Variants in GRAMD1C observed in about 807,000 individuals in gnomAD.
GRAMD1C encodes protein Aster-C.
In GRAMD1C, 89 loss-of-function variants were observed where a neutral mutation model predicts 97.8. That is an observed-to-expected ratio of 0.91 (90% CI 0.77 to 1.09). The LOEUF (loss-of-function observed/expected upper bound fraction) is 1.09, where lower values mean the gene tolerates loss of function less well. Among genes scored for constraint, GRAMD1C ranks in the 50% least tolerant of loss-of-function variants. The pLI, the probability that GRAMD1C is intolerant of heterozygous loss-of-function variation, is 0.00. For missense variants in GRAMD1C, 740 were observed against 766.4 expected, an observed-to-expected ratio of 0.97 and a Z score of 0.41; for synonymous variants, 256 against 267.0, an observed-to-expected ratio of 0.96 and a Z score of 0.40.
Position 113,940,008 on chromosome 3 carries a change from TC to T in GRAMD1C, c.1802+17del. On this transcript the variant is annotated intron_variant, in intron 16 of 17. Coordinates refer to ENST00000358160, the MANE Select transcript of GRAMD1C (RefSeq NM_017577.5). Reference sequence around the variant, plus strand: ...GAGAAATCTTTAAAGTAAGTCTTTTTCCCCCTGACCTGTATTCACCATATTA... The same window carrying T: ...GAGAAATCTTTAAAGTAAGTCTTTTTCCCCTGACCTGTATTCACCATATTA... The T allele has an allele frequency of 7.4e-7, 1 of 1,355,074 alleles. No homozygotes were observed. Among genetic ancestry groups the T allele is most frequent in the Non-Finnish European group, 1.1e-6 (1 of 943,570 alleles). 83.9% of individuals were successfully genotyped at this position (1,355,074 alleles called of 1,614,324 possible). A position where few individuals can be genotyped will look rare whatever the true frequency, so the allele number is the denominator to read the frequency against.
upstream of GRAMD1C, chr3:113,838,537 CTCCA>C (rs1447653287): frequency 2.0e-5 from 4 of 196,540 alleles, no homozygotes; most frequent in Non-Finnish European, 4.1e-5. Flanking sequence ...GGCCTTGGCA[CTCCA>C]TCCAGCCTGA....
chr3:113,859,499 T>TA (rs1934283337), intron 2 of GRAMD1C, among the ~76,000 whole-genome samples: 1 of 152,218 alleles, frequency 6.6e-6, no homozygotes, highest in African/African-American at 2.4e-5. Context: ...GCTGAGTATA[T>TA]AGTCTATTTT....
At chr3:113,910,249 G>A (rs1177307584) in intron 9 of GRAMD1C, among the ~76,000 whole-genome samples, 1 of 152,098 alleles carries the variant, frequency 6.6e-6, no homozygotes, top group Non-Finnish European at 1.5e-5. Context: ...CGGGTGTGGC[G>A]GTGTGTGCCT....
At chr3:113,836,066 C>T (rs1709626301), upstream of GRAMD1C, among the ~76,000 whole-genome samples, 2 of 151,754 alleles carry the variant, frequency 1.3e-5, no homozygotes, top group African/African-American at 4.8e-5. Flanking sequence ...GAATTTGAGA[C>T]CAGCCTGGCC....
rs1468344459 is a variant in GRAMD1C, at chr3:113,946,697, TCTTA to T, written c.*1222_*1225del. On this transcript the variant is annotated 3_prime_UTR_variant, in exon 18 of 18. Coordinates refer to ENST00000358160, the MANE Select transcript of GRAMD1C (RefSeq NM_017577.5). ...ATCTATATATAAACTGTGTATACATTCTTACTGTTTGAACAACTATTGCCTTTAA... is the reference window on the plus strand; with the variant it reads ...ATCTATATATAAACTGTGTATACATTCTGTTTGAACAACTATTGCCTTTAA... 1 of 152,232 alleles carries T rather than the reference TCTTA, an allele frequency of 6.6e-6. No individual in the cohort carries two copies. The highest frequency in any genetic ancestry group is 2.4e-5 in the African/African-American group (1 of 41,466). 9.4% of individuals were successfully genotyped at this position (152,232 alleles called of 1,614,324 possible).
chr3:113,915,618 G>C (rs898630511), intron 9 of GRAMD1C, 83 bp from the exon 10 acceptor site: 9 of 1,078,890 alleles, frequency 8.3e-6, no homozygotes, highest in Non-Finnish European at 1.2e-5. Flanking sequence ...AATAAAAAAA[G>C]AAAACCCCAC....
chr3:113,886,777 G>GTTTTTTTTTTTTTTTTTTTTTTTT (rs34683672), intron 6 of GRAMD1C, among the ~76,000 whole-genome samples: 1 of 80,042 alleles, frequency 1.2e-5, no homozygotes. Flanking sequence ...TTGTTTGCTT[G>GTTTTTTTTTTTTTTTTTTTTTTTT]TTTTTTTTTT....
intron 4 of GRAMD1C, 144 bp downstream of exon 4, chr3:113,875,731 G>T (rs62265405): frequency 3.5e-6 from 1 of 286,276 alleles, no homozygotes; most frequent in Non-Finnish European, 5.8e-6. Flanking sequence ...AAATACAAAC[G>T]TGTTGTATAT....
intron 2 of GRAMD1C, among the ~76,000 whole-genome samples, chr3:113,849,953 C>T (rs1180500811): frequency 4.2e-3 from 525 of 125,338 alleles, no homozygotes; most frequent in Non-Finnish European, 5.6e-3. Context: ...CCGGACGGGG[C>T]GGCTGACCGG....
intron 11 of GRAMD1C, among the ~76,000 whole-genome samples, chr3:113,932,851 G>A (rs957557795): frequency 2.0e-5 from 3 of 150,902 alleles, no homozygotes; most frequent in Admixed American, 6.6e-5. Flanking sequence ...GACTACAGGC[G>A]TGTGCCACCA....
At chr3:113,830,117 A>C (rs1008946015) in intron 1 of GRAMD1C, among the ~76,000 whole-genome samples, 1 of 152,128 alleles carries the variant, frequency 6.6e-6, no homozygotes, top group African/African-American at 2.4e-5. Flanking sequence ...CAGGTGTGTC[A>C]TTTGCATAGC....
chr3:113,907,801 T>C (rs981532300), intron 8 of GRAMD1C, among the ~76,000 whole-genome samples: 31 of 152,214 alleles, frequency 2.0e-4, no homozygotes, highest in African/African-American at 7.2e-4. Context: ...CTGTATTCTT[T>C]ATAGTAGGAA....
intron 7 of GRAMD1C, among the ~76,000 whole-genome samples, chr3:113,902,214 A>G (rs114262425): frequency 0.028 from 4,315 of 152,302 alleles, 220 homozygotes; most frequent in African/African-American, 0.098. Context: ...TTACTCATCT[A>G]GGTAATCTAC....
chr3:113,838,705 A>T (rs1709682280), upstream of GRAMD1C: 1 of 373,648 alleles, frequency 2.7e-6, no homozygotes, highest in Non-Finnish European at 4.7e-6. Context: ...CTAGAAAGAC[A>T]AGCCTTCAGG....
At chr3:113,915,622 A>ACC in intron 9 of GRAMD1C, 79 bp from the exon 10 acceptor site, 1 of 1,103,738 alleles carries the variant, frequency 9.1e-7, no homozygotes, top group South Asian at 1.5e-5. Context: ...AAAAAAGAAA[A>ACC]CCCCACGAAA....
chr3:113,901,883 T>G (rs1365223968), intron 7 of GRAMD1C, among the ~76,000 whole-genome samples: 1 of 152,218 alleles, frequency 6.6e-6, no homozygotes, highest in African/African-American at 2.4e-5. Context: ...TATTGTATGA[T>G]TCCATGTATG....
chr3:113,881,552 G>A (rs191550083), intron 5 of GRAMD1C, among the ~76,000 whole-genome samples: 53 of 152,324 alleles, frequency 3.5e-4, no homozygotes, highest in Admixed American at 2.7e-3. Flanking sequence ...AAAGCTGGGC[G>A]TTTTAAGGAG....
intron 6 of GRAMD1C, among the ~76,000 whole-genome samples, chr3:113,894,537 C>A (rs148266009): frequency 3.9e-4 from 59 of 152,264 alleles, no homozygotes; most frequent in Non-Finnish European, 7.1e-4. Context: ...CCTTGGCCCC[C>A]CAAAGTGCTG....
intron 10 of GRAMD1C, among the ~76,000 whole-genome samples, chr3:113,918,645 G>T (rs542085552): frequency 6.6e-6 from 1 of 152,290 alleles, no homozygotes; most frequent in South Asian, 2.1e-4. Context: ...GATCATGACT[G>T]CAAAGCATAC....
Sources: allele counts gnomAD v4.1 joint callset (sites outside exome capture counted in the v4.1 genomes callset), GRCh38; gene constraint gnomAD v4.1.1; transcripts MANE v1.5; gene names NCBI Gene and HGNC (gene_info 2026-07-23, HGNC 2026-07-21).